SLC26A7: variants seen among roughly 807,000 people sequenced by gnomAD.
The protein encoded by SLC26A7 is anion exchange transporter.
Under a neutral mutation model 82.5 loss-of-function variants are expected in SLC26A7, and 59 were observed. That is an observed-to-expected ratio of 0.72 (90% CI 0.58 to 0.89). The LOEUF (loss-of-function observed/expected upper bound fraction) is 0.89, where lower values mean the gene tolerates loss of function less well. Among genes scored for constraint, SLC26A7 ranks in the 40% least tolerant of loss-of-function variants. The pLI is 0.00. For missense variants in SLC26A7, 820 were observed against 793.0 expected, an observed-to-expected ratio of 1.03 and a Z score of -0.41; for synonymous variants, 271 against 274.3, an observed-to-expected ratio of 0.99 and a Z score of 0.12.
At chr8:91,264,780 T>C (rs746423021) in intron 2 of SLC26A7, among the ~76,000 whole-genome samples, 24 of 152,096 alleles carry the variant, frequency 1.6e-4, no homozygotes, top group Non-Finnish European at 3.4e-4. Flanking sequence ...CACATAATTG[T>C]ACATGTTTAT....
At chr8:91,279,123 G>GTGTA (rs1554603781) in intron 2 of SLC26A7, among the ~76,000 whole-genome samples, 2 of 78,792 alleles carry the variant, frequency 2.5e-5, no homozygotes, top group Admixed American at 3.8e-4. Flanking sequence ...GTGTGTGTGT[G>GTGTA]TGTATATATA....
chr8:91,281,309 G>C (rs1811566327), intron 2 of SLC26A7, among the ~76,000 whole-genome samples: 2 of 152,250 alleles, frequency 1.3e-5, no homozygotes, highest in South Asian at 4.2e-4. Flanking sequence ...CCCGGTTAAA[G>C]GGTGTAGTTC....
rs769047139 is a variant in SLC26A7, at chr8:91,389,334, A to G, written c.1676-4A>G. The stretch of plus-strand genomic sequence containing the variant: ...CCTAACTCAAGTCTCTGTTTCTCCT[A>G]CAGAAGAAGCTTCACAGTCCTGCCC... On this transcript the variant is annotated splice_polypyrimidine_tract_variant and splice_region_variant and intron_variant, in intron 15 of 18. Coordinates refer to ENST00000276609, the MANE Select transcript of SLC26A7 (RefSeq NM_052832.4). The G allele has an allele frequency of 3.1e-6, 5 of 1,610,332 alleles. No individual in the cohort carries two copies. The highest frequency in any genetic ancestry group is 1.6e-4 in the Middle Eastern group (1 of 6,076).
At chr8:91,270,337 A>G (rs1164481981) in intron 2 of SLC26A7, among the ~76,000 whole-genome samples, 1 of 152,148 alleles carries the variant, frequency 6.6e-6, no homozygotes, top group Non-Finnish European at 1.5e-5. Flanking sequence ...GCTGCACCCA[A>G]ACTAAATCAC....
intron 2 of SLC26A7, among the ~76,000 whole-genome samples, chr8:91,277,151 A>T (rs894190990): frequency 1.3e-5 from 2 of 152,164 alleles, no homozygotes; most frequent in Non-Finnish European, 2.9e-5. Flanking sequence ...CACCCTCAGG[A>T]ACCCCTCTTT....
chr8:91,300,303 G>T (rs992911798), intron 4 of SLC26A7, among the ~76,000 whole-genome samples: 1 of 152,006 alleles, frequency 6.6e-6, no homozygotes, highest in African/African-American at 2.4e-5. Flanking sequence ...TTGTGTCTTT[G>T]AAAGCTATTG....
Position 91,217,705 on chromosome 8 carries a change from G to A in SLC26A7, c.-149-1185G>A, listed in dbSNP as rs1810079304. 2.0e-5 allele frequency among the ~76,000 whole-genome samples: 3 copies of A among 152,156 alleles called. No homozygotes were observed. The South Asian group carries it at 6.2e-4, about 31-fold the overall frequency. On this transcript the variant is annotated intron_variant, in intron 1 of 5. Transcript: ENST00000522862. ...TGGTAGTTGCCCAAAGGAAAAACAG[G>A]GCTTTTGTGCCAGCACAATGGGAAA...
chr8:91,297,759 A>T (rs1812054358), intron 4 of SLC26A7, among the ~76,000 whole-genome samples: 1 of 152,072 alleles, frequency 6.6e-6, no homozygotes, highest in South Asian at 2.1e-4. Flanking sequence ...ATTCCTTCAG[A>T]TTTGAAACCC....
chr8:91,249,074 A>G (rs1810588561), upstream of SLC26A7, among the ~76,000 whole-genome samples: 1 of 152,136 alleles, frequency 6.6e-6, no homozygotes, highest in Admixed American at 6.6e-5. Context: ...TGTTGAAAAT[A>G]TATAGCTCTC....
At position 91,279,388 on chromosome 8, in the gene SLC26A7, G is replaced by A. The variant is rs1017198385; in HGVS notation, c.194-9748G>A. On this transcript the variant is annotated intron_variant, in intron 2 of 18. Transcript: ENST00000276609. ...GAACCTCCATACTGTTTTCCATAATGACTATACTAATTTACATTACCACCA... is the reference window on the plus strand; with the variant it reads ...GAACCTCCATACTGTTTTCCATAATAACTATACTAATTTACATTACCACCA... 1.3e-5 allele frequency among the ~76,000 whole-genome samples: 2 copies of A among 151,804 alleles called. 1 individual carries two copies. Among genetic ancestry groups the A allele is most frequent in the South Asian group, 4.2e-4 (2 of 4,810 alleles).
intron 5 of SLC26A7, 21 bp from the exon 6 acceptor site, chr8:91,334,274 T>C (rs779724027): frequency 1.4e-5 from 22 of 1,595,700 alleles, no homozygotes; most frequent in Non-Finnish European, 1.9e-5. Context: ...ATTTTGTTTG[T>C]ATTTTTTCTC....
Position 91,249,820 on chromosome 8 carries a change from T to C in SLC26A7, c.169T>C (p.Leu57=). Residue 57 remains leucine, a synonymous_variant, in exon 2 of 19, where the codon TTG becomes CTG. Transcript: ENST00000276609. ...LLPDTVSGIM[L]AVQQVTQGLA... is the part of the protein sequence containing the mutation. Reference sequence around the variant, plus strand: ...TCCAGACACTGTGTCTGGGATAATGTTGGCAGTTCAACAGGTGACCCAAGG... The same window carrying C: ...TCCAGACACTGTGTCTGGGATAATGCTGGCAGTTCAACAGGTGACCCAAGG... 2 of 1,606,664 alleles carry C rather than the reference T, an allele frequency of 1.2e-6. No homozygotes were observed. The highest frequency in any genetic ancestry group is 1.7e-6 in the Non-Finnish European group (2 of 1,177,496).
intron 15 of SLC26A7, among the ~76,000 whole-genome samples, chr8:91,376,453 C>T (rs1814519554): frequency 6.6e-6 from 1 of 152,074 alleles, no homozygotes; most frequent in Non-Finnish European, 1.5e-5. Context: ...AATCTTTTGG[C>T]TTCATTTCTG....
chr8:91,360,622 A>G (rs1399618875), intron 11 of SLC26A7, among the ~76,000 whole-genome samples: 1 of 152,222 alleles, frequency 6.6e-6, no homozygotes, highest in Admixed American at 6.5e-5. Flanking sequence ...CTTTAAAAAT[A>G]GAACCAGATG....
At chr8:91,378,802 A>G (rs1814590165) in intron 15 of SLC26A7, among the ~76,000 whole-genome samples, 1 of 152,120 alleles carries the variant, frequency 6.6e-6, no homozygotes, top group East Asian at 1.9e-4. Context: ...AATATTTAAC[A>G]GAAGGAAATT....
intron 2 of SLC26A7, among the ~76,000 whole-genome samples, chr8:91,224,139 T>C (rs1388348647): frequency 6.6e-6 from 1 of 151,988 alleles, no homozygotes; most frequent in African/African-American, 2.4e-5. Flanking sequence ...GTTTAGCTCA[T>C]TGTTGTTTTT....
chr8:91,296,991 T>G (rs1327465964), intron 4 of SLC26A7, among the ~76,000 whole-genome samples: 1 of 152,234 alleles, frequency 6.6e-6, no homozygotes, highest in African/African-American at 2.4e-5. Flanking sequence ...CATGGATATA[T>G]TGCCTTGGAT....
chr8:91,295,765 G>T, intron 4 of SLC26A7, 62 bp downstream of exon 4: 1 of 1,494,676 alleles, frequency 6.7e-7, no homozygotes, highest in Non-Finnish European at 9.1e-7. Context: ...AAGGCAGCTG[G>T]TGTTTTATTT....
At chr8:91,254,971 G>A (rs1290605653) in intron 2 of SLC26A7, among the ~76,000 whole-genome samples, 2 of 152,126 alleles carry the variant, frequency 1.3e-5, no homozygotes, top group Non-Finnish European at 2.9e-5. Flanking sequence ...GGCAAGCTAA[G>A]CAGTATAAGA....
Sources: gnomAD v4.1 joint callset for allele counts (sites outside exome capture counted in the v4.1 genomes callset) on GRCh38, gnomAD v4.1.1 for gene constraint, MANE v1.5 for transcripts, NCBI Gene and HGNC (gene_info 2026-07-23, HGNC 2026-07-21) for gene names.